The following BEAN1 variants were observed in gnomAD, a reference collection of about 807,000 sequenced individuals.
BEAN1 encodes the protein brain expressed associated with NEDD4 1.
Under a neutral mutation model 17.7 loss-of-function variants are expected in BEAN1, and 17 were observed. The ratio of observed to expected loss-of-function variants is 0.96; its 90% CI spans 0.66 to 1.44. The LOEUF (loss-of-function observed/expected upper bound fraction) is 1.44, where lower values mean the gene tolerates loss of function less well. Among genes scored for constraint, BEAN1 ranks in the 40% most tolerant of loss-of-function variants. BEAN1 has a pLI of 0.00. For missense variants in BEAN1, 359 were observed against 374.1 expected (o/e 0.96, Z 0.33); for synonymous variants, 142 against 151.8 (o/e 0.94, Z 0.47).
At chr16:66,475,607 T>C (rs535766998) in intron 3 of BEAN1, 1 of 152,370 alleles carries the variant, frequency 6.6e-6, no homozygotes, top group Admixed American at 6.5e-5. Context: ...CTCACCTTGT[T>C]GCTGTGTGCT....
intron 3 of BEAN1, chr16:66,470,212 A>ATGGATGGATGGT (rs1567502579): frequency 5.0e-6 from 2 of 401,520 alleles, no homozygotes; most frequent in African/African-American, 2.2e-5. Context: ...GGATGGATGG[A>ATGGATGGATGGT]TGGATGGTTG....
intron 4 of BEAN1, among the ~76,000 whole-genome samples, chr16:66,488,747 T>A (rs921809350): frequency 7.3e-5 from 11 of 151,272 alleles, no homozygotes; most frequent in African/African-American, 2.7e-4. Context: ...TGCTGGCTTT[T>A]AAGATGGAGG....
At chr16:66,446,746 G>A (rs1459106173) in intron 2 of BEAN1, among the ~76,000 whole-genome samples, 2 of 152,116 alleles carry the variant, frequency 1.3e-5, no homozygotes, top group Non-Finnish European at 2.9e-5. Context: ...AGATCCCCTG[G>A]GGTCGTCACC....
chr16:66,463,253 TC>T (rs1963148954), intron 2 of BEAN1, among the ~76,000 whole-genome samples: 1 of 152,218 alleles, frequency 6.6e-6, no homozygotes, highest in Admixed American at 6.5e-5. Context: ...CATTCTACAT[TC>T]CCACCAGCAG....
intron 1 of BEAN1, among the ~76,000 whole-genome samples, chr16:66,430,289 G>A (rs997222377): frequency 3.3e-5 from 5 of 152,146 alleles, no homozygotes; most frequent in African/African-American, 7.2e-5. Flanking sequence ...TTGCACACAC[G>A]CTGTTTCCTA....
Position 66,434,962 on chromosome 16 carries a change from C to T in BEAN1, c.-82-2633C>T, listed in dbSNP as rs752745910. Among the ~76,000 whole-genome samples, 2 of 152,132 alleles carry T rather than the reference C, an allele frequency of 1.3e-5. No individual in the cohort carries two copies. Among genetic ancestry groups the T allele is most frequent in the Admixed American group, 6.6e-5 (1 of 15,266 alleles). On this transcript the variant is annotated intron_variant, in intron 1 of 4. Transcript: ENST00000536005. This position sits in a 1 kb window ranked among gnomAD's most constrained non-coding sequence, Gnocchi z 4.3. ...CTACTGGTCTAGAATAATTTAGATC[C>T]GGAGTTGTCCTGGAAGGGCACCCAG...
Position 66,471,666 on chromosome 16 carries a change from A to G in BEAN1, c.289+1801A>G, listed in dbSNP as rs141722754. On this transcript the variant is annotated intron_variant, in intron 3 of 4. Coordinates refer to ENST00000536005, the MANE Select transcript of BEAN1 (RefSeq NM_001178020.3). The surrounding 1 kb of genome is among the most constrained non-coding windows in gnomAD (Gnocchi z 4.7). The stretch of plus-strand genomic sequence containing the variant: ...AGTGGCCACAGTTGAGGAAAGACAC[A>G]GCAGGCTAGTGGACTGTTCTCACTG... 3.2e-3 allele frequency among the ~76,000 whole-genome samples: 492 copies of G among 152,372 alleles called. 2 individuals carry two copies. Among genetic ancestry groups the G allele is most frequent in the African/African-American group, 0.011 (466 of 41,584 alleles).
chr16:66,492,907 C>A, intron 4 of BEAN1: 1 of 659,312 alleles, frequency 1.5e-6, no homozygotes, highest in Non-Finnish European at 2.8e-6. Flanking sequence ...TGGCCCCTCT[C>A]AGCCACTCTG....
chr16:66,494,744 C>T (rs183122985), downstream of BEAN1, among the ~76,000 whole-genome samples: 1 of 152,368 alleles, frequency 6.6e-6, no homozygotes, highest in Non-Finnish European at 1.5e-5. Context: ...CTCATGCCTG[C>T]TCTCCATCCA....
At chr16:66,446,154 G>GC (rs1962446559) in intron 2 of BEAN1, among the ~76,000 whole-genome samples, 1 of 152,030 alleles carries the variant, frequency 6.6e-6, no homozygotes. Context: ...CTGATCTCCA[G>GC]CCTGGGTGAT....
intron 2 of BEAN1, among the ~76,000 whole-genome samples, chr16:66,454,887 C>G (rs1315998450): frequency 6.6e-6 from 1 of 152,048 alleles, no homozygotes; most frequent in African/African-American, 2.4e-5. Context: ...TGCTGGTTTT[C>G]ACAGACTGGG....
At chr16:66,475,387 T>C (rs1367191409) in intron 3 of BEAN1, among the ~76,000 whole-genome samples, 1 of 152,224 alleles carries the variant, frequency 6.6e-6, no homozygotes, top group African/African-American at 2.4e-5. Context: ...GCTCCAGCTC[T>C]AACAGCCCTC....
chr16:66,451,947 T>C (rs1440780431), intron 2 of BEAN1, among the ~76,000 whole-genome samples: 2 of 152,220 alleles, frequency 1.3e-5, no homozygotes, highest in African/African-American at 4.8e-5. Flanking sequence ...ATACTAAACG[T>C]TGGTGAACAC....
At chr16:66,493,262 G>A (rs781588018) in exon 5 of BEAN1, 18 of 702,778 alleles carry the variant, frequency 2.6e-5, no homozygotes, top group Admixed American at 8.0e-5. Context: ...CAGCTGCCTC[G>A]AGGGGGTTCA....
At chr16:66,439,767 CCAT>C (rs1962176452) in intron 2 of BEAN1, among the ~76,000 whole-genome samples, 2 of 152,194 alleles carry the variant, frequency 1.3e-5, no homozygotes, top group Non-Finnish European at 2.9e-5. Context: ...GAGCTAGAGG[CCAT>C]TGTCAGGGAG....
rs916634389 is a variant in BEAN1 at position 66,469,681 on chromosome 16, C to T, written c.105C>T (p.Pro35=). 7.8e-6 allele frequency: 12 copies of T among 1,535,952 alleles called. No homozygotes were observed. Among genetic ancestry groups the T allele is most frequent in the South Asian group, 2.4e-5 (2 of 84,064 alleles). Residue 35 remains proline, a synonymous_variant, in exon 3 of 5, where the codon CCC becomes CCT. Coordinates refer to ENST00000536005, the MANE Select transcript of BEAN1 (RefSeq NM_001178020.3). ...AGCACAGCCATCTGCTCGTGTCCCCCGTGCTGGTGGCGAGTGCCGTCATAG... is the reference window on the plus strand; with the variant it reads ...AGCACAGCCATCTGCTCGTGTCCCCTGTGCTGGTGGCGAGTGCCGTCATAG... The part of the protein sequence containing the change: ...SSEHSHLLVS[P]VLVASAVIGV...
At chr16:66,475,320 TC>T (rs990165939) in intron 3 of BEAN1, among the ~76,000 whole-genome samples, 1 of 151,736 alleles carries the variant, frequency 6.6e-6, no homozygotes, top group Non-Finnish European at 1.5e-5. Context: ...CCCAAGATGC[TC>T]CCCTCTGGGA....
intron 4 of BEAN1, chr16:66,478,003 G>C (rs527476707): frequency 3.7e-6 from 1 of 269,364 alleles, no homozygotes; most frequent in South Asian, 9.3e-5. Context: ...GGGAGGTTCC[G>C]TGGCAGCTGT....
chr16:66,477,067 CT>C (rs1445809036), intron 3 of BEAN1, among the ~76,000 whole-genome samples: 1 of 152,144 alleles, frequency 6.6e-6, no homozygotes, highest in Admixed American at 6.5e-5. Context: ...TCAAAGCTCC[CT>C]GTTCACACCA....
Sources: allele counts gnomAD v4.1 joint callset (sites outside exome capture counted in the v4.1 genomes callset), GRCh38; gene constraint gnomAD v4.1.1; non-coding constraint Gnocchi (gnomAD v3.1); transcripts MANE v1.5; gene names NCBI Gene and HGNC (gene_info 2026-07-23, HGNC 2026-07-21).